Variants in VPS13C observed in about 807,000 individuals in gnomAD.
VPS13C encodes vacuolar protein sorting 13 homolog C.
A neutral mutation model predicts 456.8 loss-of-function variants in VPS13C; 358 were observed. The ratio of observed to expected loss-of-function variants is 0.78; its 90% CI spans 0.72 to 0.86. The LOEUF is 0.86. VPS13C is among the 40% of genes least tolerant of loss of function. The pLI is 0.00. For missense variants in VPS13C, 4,818 were observed against 4,385.4 expected, an observed-to-expected ratio of 1.10 and a Z score of -2.79; for synonymous variants, 1,578 against 1,486.7, an observed-to-expected ratio of 1.06 and a Z score of -1.41.
chr15:61,854,466 C>CA lies in VPS13C; in HGVS notation c.11252dup (p.Leu3751PhefsTer31). The CA allele has an allele frequency of 6.2e-7, 1 of 1,614,082 alleles. No homozygotes were observed. On this transcript the variant is annotated frameshift_variant, in exon 85 of 85. Transcript: ENST00000644861. LOFTEE classifies it high-confidence loss of function. ...CCCCTGAGGTCTGTGATTAAGATGG[C>CA]AATTGGGGTCTGAGAAGTCTCACTG... is the stretch of plus-strand genomic sequence containing the variant.
At chr15:62,037,219 TATA>T (rs1413150877) in intron 3 of VPS13C, among the ~76,000 whole-genome samples, 13 of 90,738 alleles carry the variant, frequency 1.4e-4, no homozygotes, top group African/African-American at 5.9e-4. Context: ...AAATATATTA[TATA>T]ATATATTATA....
At chr15:61,956,393 TA>T (rs913345401) in intron 37 of VPS13C, among the ~76,000 whole-genome samples, 3 of 151,982 alleles carry the variant, frequency 2.0e-5, no homozygotes, top group African/African-American at 7.2e-5. Flanking sequence ...ACTACCTGGG[TA>T]ATGGGATCAT....
Position 61,890,368 on chromosome 15 carries a change from G to A in VPS13C, c.9138C>T (p.Asn3046=). ...GAAATGATACCCAGTGTATCTGGATGTTTGCATCATATGGAAACTGTCCAC... is the reference window on the plus strand; with the variant it reads ...GAAATGATACCCAGTGTATCTGGATATTTGCATCATATGGAAACTGTCCAC... ...DGCGQFPYDA[N]IQIHWVSFLD... The change falls in exon 67 of 85, where the codon AAC becomes AAT. Residue 3046 remains asparagine (N), a synonymous_variant. Coordinates refer to ENST00000644861, the MANE Select transcript of VPS13C (RefSeq NM_020821.3). 3 of 1,614,012 alleles carry A rather than the reference G, an allele frequency of 1.9e-6. No homozygotes were observed. Among genetic ancestry groups the A allele is most frequent in the Non-Finnish European group, 1.7e-6 (2 of 1,180,006 alleles).
At chr15:61,925,043 CAT>C (rs2043799729) in intron 53 of VPS13C, among the ~76,000 whole-genome samples, 2 of 152,094 alleles carry the variant, frequency 1.3e-5, no homozygotes, top group African/African-American at 2.4e-5. Context: ...GAAGCCAAAT[CAT>C]ATAGTTATTA....
chr15:61,920,733 G>T (rs569587048), intron 55 of VPS13C, 86 bp from the exon 56 acceptor site: 37 of 1,281,354 alleles, frequency 2.9e-5, no homozygotes, highest in Non-Finnish European at 3.7e-5. Flanking sequence ...CTCCTAAACT[G>T]ATCACTTTAT....
intron 8 of VPS13C, among the ~76,000 whole-genome samples, chr15:62,022,300 C>T (rs2047491240): frequency 1.3e-5 from 2 of 151,740 alleles, no homozygotes; most frequent in Admixed American, 1.3e-4. Context: ...AATGGGATTG[C>T]TAGATCATAC....
intron 21 of VPS13C, among the ~76,000 whole-genome samples, 176 bp from the exon 22 acceptor site, chr15:61,981,654 A>G (rs2140385933): frequency 6.6e-6 from 1 of 152,228 alleles, no homozygotes; most frequent in African/African-American, 2.4e-5. Flanking sequence ...AGGTCAGGAG[A>G]TCGAGACCAT....
intron 35 of VPS13C, among the ~76,000 whole-genome samples, chr15:61,961,180 G>A (rs934510330): frequency 4.6e-5 from 7 of 151,114 alleles, no homozygotes; most frequent in Non-Finnish European, 1.0e-4. Flanking sequence ...CCTGAGGTGA[G>A]GAGTTTGAGA....
Position 61,981,456 on chromosome 15 carries a change from A to T in VPS13C, c.2052T>A (p.Thr684=). The part of the protein sequence containing the change: ...TATGLTHIIE[T]RKVLDLRINL... ...TTATCCTTAAATCAAGGACTTTTCG[A>T]GTTTCAATAATATGTGTAAGTCCTA... The change falls in exon 22 of 85, where the codon ACT becomes ACA. Residue 684 remains threonine, a synonymous_variant. Transcript: ENST00000644861. The T allele has an allele frequency of 6.2e-7, 1 of 1,609,558 alleles. No individual in the cohort carries two copies. The highest frequency in any genetic ancestry group is 8.5e-7 in the Non-Finnish European group (1 of 1,178,598).
At position 61,920,452 on chromosome 15, in the gene VPS13C, A is replaced by G. The variant is rs200550071; in HGVS notation, c.7212+46T>C. ...TGATGACAAAAAAATTATATGTTTC[A>G]TTTTAAAATTCCACTTGAAATATTC... is the stretch of plus-strand genomic sequence containing the variant. On this transcript the variant is annotated intron_variant, in intron 56 of 84. Coordinates refer to ENST00000644861, the MANE Select transcript of VPS13C (RefSeq NM_020821.3). 2.9e-4 allele frequency: 427 copies of G among 1,492,382 alleles called. 2 individuals are homozygous for G. In the East Asian group the frequency reaches 6.9e-3, roughly 24 times the overall value. 92.4% of individuals were successfully genotyped at this position (1,492,382 alleles called of 1,614,324 possible). A position where few individuals can be genotyped will look rare whatever the true frequency, so the allele number is the denominator to read the frequency against.
rs1447383324 is a variant in VPS13C at position 61,961,755 on chromosome 15, G to C, written c.3742C>G (p.Pro1248Ala). ...RVSINIDLKA[P>A]VIVIPQSSIS... ...GAAGACTGTGGGATGACTATAACCG[G>C]TGCTTTCAAATCAATATTGATGGAA... Residue 1248 changes from proline (P) to alanine (A), a missense_variant, in exon 35 of 85, where the codon CCG becomes GCG. Transcript: ENST00000644861. The C allele has an allele frequency of 1.2e-6, 2 of 1,613,822 alleles. No individual in the cohort carries two copies. Among genetic ancestry groups the C allele is most frequent in the South Asian group, 1.1e-5 (1 of 91,080 alleles).
At chr15:62,001,306 T>A (rs1450221047) in intron 15 of VPS13C, among the ~76,000 whole-genome samples, 1 of 152,180 alleles carries the variant, frequency 6.6e-6, no homozygotes, top group Non-Finnish European at 1.5e-5. Flanking sequence ...TGAACCCAAA[T>A]CCATCTGACG....
intron 16 of VPS13C, among the ~76,000 whole-genome samples, chr15:61,996,868 TACACACACAC>T (rs35800911): frequency 7.0e-6 from 1 of 143,848 alleles, no homozygotes; most frequent in Admixed American, 7.0e-5. Context: ...AAGGTCTAAA[TACACACACAC>T]ACACACACAC....
chr15:61,886,650 T>G (rs1328411499), intron 67 of VPS13C, among the ~76,000 whole-genome samples: 1 of 152,104 alleles, frequency 6.6e-6, no homozygotes, highest in Non-Finnish European at 1.5e-5. Flanking sequence ...TTCATACAGT[T>G]TGTACAAAAA....
chr15:62,024,494 A>G (rs929242831), intron 6 of VPS13C, among the ~76,000 whole-genome samples: 1 of 152,000 alleles, frequency 6.6e-6, no homozygotes, highest in Non-Finnish European at 1.5e-5. Context: ...ACAAATCTTC[A>G]TACTCAAATT....
intron 67 of VPS13C, 23 bp downstream of exon 67, chr15:61,890,142 G>A (rs778701876): frequency 1.2e-6 from 2 of 1,608,446 alleles, no homozygotes; most frequent in East Asian, 4.5e-5. Context: ...GGTTTAGGAT[G>A]TCTTATTTTC....
chr15:61,869,890 C>G (rs541061993), intron 79 of VPS13C, among the ~76,000 whole-genome samples: 1 of 152,136 alleles, frequency 6.6e-6, no homozygotes, highest in Admixed American at 6.6e-5. Flanking sequence ...TCTAAGCACT[C>G]CAGGTGATCC....
chr15:62,005,893 G>C (rs558409233), intron 15 of VPS13C, among the ~76,000 whole-genome samples: 39 of 150,754 alleles, frequency 2.6e-4, no homozygotes, highest in East Asian at 5.9e-4. Context: ...TAGTAGAGAC[G>C]GGGTTTCATC....
chr15:61,961,539 T>C (rs1321331308), intron 35 of VPS13C, 50 bp downstream of exon 35: 2 of 1,480,538 alleles, frequency 1.4e-6, no homozygotes, highest in Non-Finnish European at 9.0e-7. Context: ...TAAAATTTCA[T>C]GGAAATCATG....
Sources: gnomAD v4.1 joint callset for allele counts (sites outside exome capture counted in the v4.1 genomes callset) on GRCh38, gnomAD v4.1.1 for gene constraint, MANE v1.5 for transcripts, NCBI Gene and HGNC (gene_info 2026-07-23, HGNC 2026-07-21) for gene names.